The following BMERB1 variants were observed in gnomAD, a reference collection of about 807,000 sequenced individuals.
The protein encoded by BMERB1 is bMERB domain-containing protein 1.
Under a neutral mutation model 23.6 loss-of-function variants are expected in BMERB1, and 12 were observed. That is an observed-to-expected ratio of 0.51 (90% CI 0.33 to 0.82). The LOEUF (loss-of-function observed/expected upper bound fraction) is 0.82, where lower values mean the gene tolerates loss of function less well. BMERB1 is among the 40% of genes least tolerant of loss of function. The pLI is 0.03. For missense variants in BMERB1, 247 were observed against 255.4 expected (o/e 0.97, Z 0.22); for synonymous variants, 122 against 96.6 (o/e 1.26, Z -1.54).
At chr16:15,515,180 G>T in intron 1 of BMERB1, 125 bp from the exon 2 acceptor site, 1 of 1,327,988 alleles carries the variant, frequency 7.5e-7, no homozygotes. Context: ...TGTGGCACAG[G>T]CTGAAGTCTG....
At chr16:15,497,116 T>TAG (rs1160460444) in intron 1 of BMERB1, among the ~76,000 whole-genome samples, 1 of 152,182 alleles carries the variant, frequency 6.6e-6, no homozygotes, top group Non-Finnish European at 1.5e-5. Flanking sequence ...GGGATTCGTC[T>TAG]AGGTCCTGCT....
intron 2 of BMERB1, among the ~76,000 whole-genome samples, chr16:15,529,176 C>G (rs1354420425): frequency 2.0e-5 from 3 of 152,138 alleles, no homozygotes; most frequent in African/African-American, 7.2e-5. Context: ...AGGCGCCCAC[C>G]ACCACGCCCG....
At chr16:15,513,689 T>C (rs1463983920) in intron 1 of BMERB1, among the ~76,000 whole-genome samples, 2 of 149,772 alleles carry the variant, frequency 1.3e-5, no homozygotes, top group East Asian at 3.9e-4. Flanking sequence ...AGGTCAGGAG[T>C]TCAAGATCAG....
chr16:15,569,523 T>A lies in BMERB1; in HGVS notation c.304+1467T>A, dbSNP rs144723598. Reference sequence around the variant, plus strand: ...ATGAGAAACCTCCATCATGATCCAATCACCTCTCATCAGGCCACGCCTCCA... The same window carrying A: ...ATGAGAAACCTCCATCATGATCCAAACACCTCTCATCAGGCCACGCCTCCA... On this transcript the variant is annotated intron_variant, in intron 3 of 5. Coordinates refer to ENST00000300006, the MANE Select transcript of BMERB1 (RefSeq NM_033201.3). Among the ~76,000 whole-genome samples, 298 of 152,220 alleles carry A rather than the reference T, an allele frequency of 2.0e-3. 2 individuals are homozygous for A. Among genetic ancestry groups the A allele is most frequent in the South Asian group, 0.011 (53 of 4,824 alleles).
intron 1 of BMERB1, among the ~76,000 whole-genome samples, chr16:15,501,207 T>C (rs1053908687): frequency 1.3e-5 from 2 of 151,818 alleles, no homozygotes; most frequent in Admixed American, 1.3e-4. Context: ...CTTAAACTCC[T>C]GGGCTCAAGT....
At chr16:15,507,232 C>G (rs2051601450) in intron 1 of BMERB1, among the ~76,000 whole-genome samples, 1 of 152,206 alleles carries the variant, frequency 6.6e-6, no homozygotes, top group African/African-American at 2.4e-5. Context: ...TTTTAGATCA[C>G]CAGCCCTCAT....
intron 1 of BMERB1, among the ~76,000 whole-genome samples, chr16:15,464,636 C>T (rs1433783024): frequency 6.6e-6 from 1 of 152,144 alleles, no homozygotes; most frequent in African/African-American, 2.4e-5. Flanking sequence ...ATTCCTCTTC[C>T]TTTTAGACTA....
chr16:15,451,694 G>T (rs2051043430), intron 1 of BMERB1, among the ~76,000 whole-genome samples: 1 of 150,116 alleles, frequency 6.7e-6, no homozygotes, highest in Non-Finnish European at 1.5e-5. Context: ...GAGAAGCTGG[G>T]ACTACAGGTG....
At chr16:15,499,732 C>G (rs191962131) in intron 1 of BMERB1, among the ~76,000 whole-genome samples, 60 of 152,306 alleles carry the variant, frequency 3.9e-4, no homozygotes, top group African/African-American at 1.4e-3. Context: ...TCCAGCTCAT[C>G]ATTCAGGTTG....
At chr16:15,490,357 A>T (rs1406394923) in intron 1 of BMERB1, among the ~76,000 whole-genome samples, 1 of 152,056 alleles carries the variant, frequency 6.6e-6, no homozygotes, top group African/African-American at 2.4e-5. Context: ...ATCATGGCCC[A>T]CTGCAGCCTT....
At chr16:15,525,177 A>C (rs963375733) in intron 2 of BMERB1, among the ~76,000 whole-genome samples, 2 of 152,184 alleles carry the variant, frequency 1.3e-5, no homozygotes, top group African/African-American at 2.4e-5. Context: ...AGGCCTGACT[A>C]CAACAGAAAG....
chr16:15,483,353 G>A (rs1464077259), intron 1 of BMERB1, among the ~76,000 whole-genome samples: 1 of 152,126 alleles, frequency 6.6e-6, no homozygotes, highest in Non-Finnish European at 1.5e-5. Flanking sequence ...TGAACGGAGT[G>A]GTTGAGAGTT....
At chr16:15,516,876 T>TG (rs1417811278) in intron 2 of BMERB1, among the ~76,000 whole-genome samples, 10 of 152,194 alleles carry the variant, frequency 6.6e-5, no homozygotes, top group Non-Finnish European at 1.5e-5. Context: ...TAAAGGGTCT[T>TG]GCTCTGTCGT....
chr16:15,559,001 CACTT>C (rs1213036537), intron 2 of BMERB1, among the ~76,000 whole-genome samples: 1 of 151,346 alleles, frequency 6.6e-6, no homozygotes, highest in African/African-American at 2.4e-5. Flanking sequence ...TGCTTTTAAC[CACTT>C]ACTTCTAGCT....
intron 1 of BMERB1, among the ~76,000 whole-genome samples, chr16:15,473,242 T>A (rs2051245566): frequency 6.6e-6 from 1 of 151,998 alleles, no homozygotes; most frequent in Non-Finnish European, 1.5e-5. Context: ...GTTCCAAGCC[T>A]TCTTCTGTTA....
At chr16:15,496,784 C>T (rs571232407) in intron 1 of BMERB1, among the ~76,000 whole-genome samples, 126 of 152,192 alleles carry the variant, frequency 8.3e-4, no homozygotes, top group Non-Finnish European at 1.4e-3. Context: ...GTGATCTGCC[C>T]GCCTCGGCCT....
chr16:15,512,536 G>A (rs1336969647), intron 1 of BMERB1, among the ~76,000 whole-genome samples: 1 of 152,124 alleles, frequency 6.6e-6, no homozygotes, highest in Admixed American at 6.5e-5. Flanking sequence ...CTTGAGGCCA[G>A]AAGTTCCAGA....
intron 1 of BMERB1, among the ~76,000 whole-genome samples, chr16:15,467,642 A>G (rs770555439): frequency 2.0e-5 from 3 of 152,066 alleles, no homozygotes; most frequent in African/African-American, 4.8e-5. Context: ...CCTAGTCCGT[A>G]GCTTGTTTTT....
chr16:15,474,618 G>A (rs2051260037), intron 1 of BMERB1, among the ~76,000 whole-genome samples: 2 of 152,104 alleles, frequency 1.3e-5, no homozygotes, highest in African/African-American at 2.4e-5. Flanking sequence ...GGCCTCAAAC[G>A]TTCCTCCTGC....
Sources: gnomAD v4.1 joint callset for allele counts (sites outside exome capture counted in the v4.1 genomes callset) on GRCh38, gnomAD v4.1.1 for gene constraint, MANE v1.5 for transcripts, NCBI Gene and HGNC (gene_info 2026-07-23, HGNC 2026-07-21) for gene names.